CFAP20DC: variants seen among roughly 807,000 people sequenced by gnomAD.
CFAP20DC encodes CFAP20 domain containing, also known as protein CFAP20DC.
CFAP20DC carries 84 observed loss-of-function variants against 101.7 expected under a neutral mutation model. That is an observed-to-expected ratio of 0.83 (90% confidence interval 0.69 to 0.99). CFAP20DC has a LOEUF of 0.99. Among genes scored for constraint, CFAP20DC ranks in the 50% least tolerant of loss-of-function variants. CFAP20DC has a pLI of 0.00. For missense variants in CFAP20DC, 1,007 were observed against 970.3 expected, an observed-to-expected ratio of 1.04 and a Z score of -0.50; for synonymous variants, 359 against 351.2, an observed-to-expected ratio of 1.02 and a Z score of -0.25.
chr3:58,987,912 C>T (rs1372176617), intron 4 of CFAP20DC, among the ~76,000 whole-genome samples: 1 of 151,954 alleles, frequency 6.6e-6, no homozygotes, highest in Non-Finnish European at 1.5e-5. Flanking sequence ...GAACCCAATA[C>T]AGATTGTTTG....
At position 58,937,709 on chromosome 3, in the gene CFAP20DC, T is replaced by C. The variant is rs1326183132; in HGVS notation, c.332A>G (p.Lys111Arg). Residue 111 changes from lysine (K) to arginine (R), a missense_variant, in exon 5 of 17, where the codon AAG becomes AGG. By Grantham distance (26) the Lys-to-Arg change is conservative. Coordinates refer to ENST00000482387, the MANE Select transcript of CFAP20DC (RefSeq NM_001394063.1). ...KRRLYLSTVH[K>R]ELSSTPLHAK... is the part of the protein sequence containing the mutation. ...ATGAAGAGGGGTGGAGGATAGTTCC[T>C]TATGGACCGTTGATAAATATAATCT... 6.2e-7 allele frequency: 1 copy of C among 1,612,724 alleles called. No individual in the cohort carries two copies. The highest frequency in any genetic ancestry group is 8.5e-7 in the Non-Finnish European group (1 of 1,178,828).
intron 3 of CFAP20DC, among the ~76,000 whole-genome samples, chr3:59,040,302 A>G (rs762569342): frequency 6.6e-6 from 1 of 152,072 alleles, no homozygotes; most frequent in Non-Finnish European, 1.5e-5. Context: ...ACCAGTCCCT[A>G]CAGCATTTTT....
intron 16 of CFAP20DC, among the ~76,000 whole-genome samples, chr3:58,744,130 G>T (rs2068037491): frequency 6.6e-6 from 1 of 152,194 alleles, no homozygotes; most frequent in South Asian, 2.1e-4. Flanking sequence ...CATTGGTAGA[G>T]CCCTTGATGG....
In CFAP20DC at chr3:58,912,353, G is replaced by A. The variant is rs955955591; in HGVS notation, c.550+1355C>T. 7.2e-5 allele frequency among the ~76,000 whole-genome samples: 11 copies of A among 152,050 alleles called. No individual in the cohort carries two copies. The highest frequency in any genetic ancestry group is 1.7e-4 in the African/African-American group (7 of 41,394). ...AAAAAATGAAATCTTTCACTTTCTC[G>A]TATAGTCTGTAAGTGGGTACATAAG... On this transcript the variant is annotated intron_variant, in intron 6 of 16. Coordinates refer to ENST00000482387, the MANE Select transcript of CFAP20DC (RefSeq NM_001394063.1). The surrounding 1 kb of genome is among the most constrained non-coding windows in gnomAD (Gnocchi z 4.4).
intron 4 of CFAP20DC, among the ~76,000 whole-genome samples, chr3:58,956,217 A>G (rs151110291): frequency 4.4e-4 from 67 of 151,928 alleles, no homozygotes; most frequent in Non-Finnish European, 7.1e-4. Context: ...GAAGAGCACC[A>G]AGCATGTTCT....
At chr3:58,818,204 C>G (rs1437202626) in intron 14 of CFAP20DC, among the ~76,000 whole-genome samples, 1 of 151,804 alleles carries the variant, frequency 6.6e-6, no homozygotes, top group African/African-American at 2.4e-5. Context: ...ATGTAAAGAC[C>G]ATCGAGACTA....
In CFAP20DC at chr3:58,763,076, T is replaced by C. The variant is rs867614034; in HGVS notation, c.2238-9213A>G. Among the ~76,000 whole-genome samples, 420 of 152,268 alleles carry C rather than the reference T, an allele frequency of 2.8e-3. 1 individual carries two copies. The highest frequency in any genetic ancestry group is 4.3e-3 in the Non-Finnish European group (292 of 68,014). On this transcript the variant is annotated intron_variant, in intron 15 of 16. Transcript: ENST00000482387. ...GTTCTCTGTATTTCCTGAATCTGAA[T>C]GTTGGCCTGCCTTGCTAGATTGGGG...
Position 59,046,267 on chromosome 3 carries a change from G to C in CFAP20DC, c.167C>G (p.Thr56Arg), listed in dbSNP as rs1448212711. Residue 56 changes from threonine to arginine, a missense_variant, in exon 3 of 17, where the codon ACA becomes AGA. Thr to Arg is a moderately conservative substitution (Grantham distance 71). Transcript: ENST00000482387. ...FVFVLEGSSQ[T>R]NKIQLPKENK... is the part of the protein sequence containing the mutation. ...CTCCTTTGGTAACTGAATTTTGTTT[G>C]TTTGGCTGCTGCCTTCCAGGACAAA... The C allele has an allele frequency of 6.5e-7, 1 of 1,531,966 alleles. No homozygotes were observed. The highest frequency in any genetic ancestry group is 8.7e-7 in the Non-Finnish European group (1 of 1,145,324). 94.9% of individuals were successfully genotyped at this position (1,531,966 alleles called of 1,614,324 possible).
intron 15 of CFAP20DC, among the ~76,000 whole-genome samples, chr3:58,766,364 A>C (rs1469795055): frequency 6.6e-6 from 1 of 152,138 alleles, no homozygotes; most frequent in East Asian, 1.9e-4. Flanking sequence ...GTTCTTATGA[A>C]AATTCCTGCC....
chr3:58,840,513 T>G (rs1304411160), intron 13 of CFAP20DC, among the ~76,000 whole-genome samples: 2 of 152,212 alleles, frequency 1.3e-5, no homozygotes, highest in African/African-American at 4.8e-5. Context: ...AGGTTATCCC[T>G]GAGAACATGC....
At chr3:58,822,527 T>C (rs1483308250) in intron 14 of CFAP20DC, among the ~76,000 whole-genome samples, 2 of 151,458 alleles carry the variant, frequency 1.3e-5, no homozygotes, top group African/African-American at 4.9e-5. Flanking sequence ...GCATGGCACA[T>C]GTATACATAT....
At chr3:58,966,626 C>A (rs138201615) in intron 4 of CFAP20DC, among the ~76,000 whole-genome samples, 4 of 151,312 alleles carry the variant, frequency 2.6e-5, no homozygotes, top group Non-Finnish European at 5.9e-5. Context: ...CGGGTTCAAG[C>A]GATTCTCCTA....
chr3:58,797,717 A>C (rs1041291608), intron 15 of CFAP20DC, among the ~76,000 whole-genome samples: 1 of 152,020 alleles, frequency 6.6e-6, no homozygotes, highest in African/African-American at 2.4e-5. Flanking sequence ...GGAGAAGTCA[A>C]TGTCTGGCTT....
chr3:58,839,143 T>G (rs974411560), intron 13 of CFAP20DC, among the ~76,000 whole-genome samples: 17 of 152,184 alleles, frequency 1.1e-4, no homozygotes, highest in Admixed American at 9.8e-4. Flanking sequence ...ATACCAACAT[T>G]TGTGTGTGCT....
chr3:58,870,232 T>C lies in CFAP20DC; in HGVS notation c.793A>G (p.Lys265Glu), dbSNP rs745797883. The C allele has an allele frequency of 1.5e-5, 24 of 1,614,082 alleles. No individual in the cohort carries two copies. In the Admixed American group the frequency reaches 1.5e-4, roughly 10 times the overall value. ...GAGAGTGGAGGTGGCCCAAGAACTT[T>C]GGATCCAAATGCGATATGACAAACA... ...QDVCHIAFGS[K>E]VLGPPPLSGR... The change falls in exon 8 of 17, where the codon AAA (lysine) becomes GAA (glutamate). Residue 265 changes from lysine to glutamate, a missense_variant. Coordinates refer to ENST00000482387, the MANE Select transcript of CFAP20DC (RefSeq NM_001394063.1).
chr3:58,920,284 G>A (rs1049132007), intron 5 of CFAP20DC, among the ~76,000 whole-genome samples: 2 of 151,674 alleles, frequency 1.3e-5, no homozygotes, highest in African/African-American at 4.8e-5. Context: ...GTAGAGATGG[G>A]GGTCTCCATA....
At chr3:58,821,738 G>C (rs1244810601) in intron 14 of CFAP20DC, among the ~76,000 whole-genome samples, 53 of 151,026 alleles carry the variant, frequency 3.5e-4, no homozygotes, top group Admixed American at 1.4e-3. Flanking sequence ...TCAGTGTGGC[G>C]ATTCCTCAGG....
intron 4 of CFAP20DC, among the ~76,000 whole-genome samples, chr3:58,987,338 G>A (rs550494309): frequency 1.3e-5 from 2 of 152,098 alleles, no homozygotes; most frequent in East Asian, 3.9e-4. Context: ...TAAGAATCAT[G>A]TACTACATAT....
At position 58,913,683 on chromosome 3, in the gene CFAP20DC, A is replaced by T. The variant is rs768934527; in HGVS notation, c.550+25T>A. 8.2e-5 allele frequency: 132 copies of T among 1,612,032 alleles called. No individual in the cohort carries two copies. The highest frequency in any genetic ancestry group is 1.1e-4 in the Non-Finnish European group (130 of 1,178,526). On this transcript the variant is annotated intron_variant, in intron 6 of 16. Coordinates refer to ENST00000482387, the MANE Select transcript of CFAP20DC (RefSeq NM_001394063.1). The surrounding 1 kb of genome is among the most constrained non-coding windows in gnomAD (Gnocchi z 4.4). Reference sequence around the variant, plus strand: ...TTAAAAATACATCAGAGAATTAAAAAATCTTGATAGCAACCTGAACATACC... The same window carrying T: ...TTAAAAATACATCAGAGAATTAAAATATCTTGATAGCAACCTGAACATACC...
Sources: allele counts gnomAD v4.1 joint callset (sites outside exome capture counted in the v4.1 genomes callset), GRCh38; gene constraint gnomAD v4.1.1; non-coding constraint Gnocchi (gnomAD v3.1); transcripts MANE v1.5; gene names NCBI Gene and HGNC (gene_info 2026-07-23, HGNC 2026-07-21).